The following RWDD1 variants were observed in gnomAD, a reference collection of about 807,000 sequenced individuals.
RWDD1 encodes RWD domain-containing protein 1.
Under a neutral mutation model 31.6 loss-of-function variants are expected in RWDD1, and 17 were observed. That is an observed-to-expected ratio of 0.54 (90% CI 0.37 to 0.81). The LOEUF (loss-of-function observed/expected upper bound fraction) is 0.81. Ranked by LOEUF, RWDD1 falls within the 30% of genes least tolerant of loss-of-function variation. RWDD1 has a pLI of 0.00. For missense variants in RWDD1, 204 were observed against 274.5 expected (o/e 0.74, Z 1.82); for synonymous variants, 78 against 94.2 (o/e 0.83, Z 0.99).
At chr6:116,585,624 C>T (rs1308690508) in intron 3 of RWDD1, among the ~76,000 whole-genome samples, 1 of 152,060 alleles carries the variant, frequency 6.6e-6, no homozygotes, top group Admixed American at 6.5e-5. Flanking sequence ...ATGTGACTTA[C>T]ATATTCTAAA....
intron 3 of RWDD1, among the ~76,000 whole-genome samples, chr6:116,588,007 C>G (rs371673381): frequency 6.6e-6 from 1 of 151,984 alleles, no homozygotes; most frequent in Admixed American, 6.6e-5. Flanking sequence ...TGTGGGACAT[C>G]AAGTCACTGC....
chr6:116,581,793 T>G (rs914858870), intron 2 of RWDD1, among the ~76,000 whole-genome samples: 2 of 152,082 alleles, frequency 1.3e-5, no homozygotes, highest in East Asian at 3.8e-4. Flanking sequence ...AGCAGGAGAC[T>G]TTGAAAATGT....
chr6:116,584,337 C>T (rs1229580565), intron 2 of RWDD1, among the ~76,000 whole-genome samples: 2 of 152,204 alleles, frequency 1.3e-5, no homozygotes, highest in African/African-American at 4.8e-5. Context: ...GCCAGATCTT[C>T]TGCAGGTAGG....
intron 3 of RWDD1, among the ~76,000 whole-genome samples, chr6:116,588,582 C>T (rs1271880767): frequency 1.3e-5 from 2 of 151,996 alleles, no homozygotes; most frequent in African/African-American, 4.8e-5. Flanking sequence ...TTACTAGTTA[C>T]TATAGGAAAC....
At chr6:116,578,837 A>G (rs1378348093) in intron 1 of RWDD1, among the ~76,000 whole-genome samples, 2 of 152,004 alleles carry the variant, frequency 1.3e-5, no homozygotes, top group Non-Finnish European at 2.9e-5. Flanking sequence ...CTTAAATTCA[A>G]TTAAAATGAA....
At chr6:116,586,931 AATG>A (rs1032434019) in intron 3 of RWDD1, among the ~76,000 whole-genome samples, 1 of 152,210 alleles carries the variant, frequency 6.6e-6, no homozygotes, top group Non-Finnish European at 1.5e-5. Context: ...TTGGACATAA[AATG>A]ATGACAAGGT....
Position 116,571,518 on chromosome 6 carries a change from G to A in RWDD1, c.-65G>A. ...CGCCGCCCGCTCTCCCGGCGCGGCA[G>A]CTGTCTGGGCTGCTGCGCGCCGCCT... On this transcript the variant is annotated 5_prime_UTR_variant, in exon 1 of 7. Coordinates refer to ENST00000466444, the MANE Select transcript of RWDD1 (RefSeq NM_015952.4). The A allele has an allele frequency of 2.0e-6, 3 of 1,515,454 alleles. No individual in the cohort carries two copies. Among genetic ancestry groups the A allele is most frequent in the Non-Finnish European group, 1.8e-6 (2 of 1,125,386 alleles). The allele number at this position is 1,515,454 out of a possible 1,614,324, so 93.9% of individuals were successfully genotyped here.
At chr6:116,589,105 T>C (rs1775094309) in intron 4 of RWDD1, 120 bp downstream of exon 4, 2 of 844,038 alleles carry the variant, frequency 2.4e-6, no homozygotes, top group South Asian at 8.9e-5. Context: ...TAAATAAAAG[T>C]AAATTTTAGT....
At chr6:116,572,284 G>T (rs1774752233) in intron 1 of RWDD1, 1 of 152,258 alleles carries the variant, frequency 6.6e-6, no homozygotes, top group African/African-American at 2.4e-5. Flanking sequence ...ATCTATCCTG[G>T]GGCTCCTGCT....
rs1336149822 is a variant in RWDD1 at position 116,593,237 on chromosome 6, TG to T, written c.*137del. On this transcript the variant is annotated 3_prime_UTR_variant, in exon 7 of 7. Coordinates refer to ENST00000466444, the MANE Select transcript of RWDD1 (RefSeq NM_015952.4). Reference sequence around the variant, plus strand: ...ATATTCTTCTGATAGCTTTCATCATTGAACTTAATAAACTGACCTTAAAATT... The same window carrying T: ...ATATTCTTCTGATAGCTTTCATCATTAACTTAATAAACTGACCTTAAAATT... 1 of 853,018 alleles carries T rather than the reference TG, an allele frequency of 1.2e-6. No homozygotes were observed. The allele number at this position is 853,018 out of a possible 1,614,324, so 52.8% of individuals were successfully genotyped here. A position where few individuals can be genotyped will look rare whatever the true frequency, so the allele number is the denominator to read the frequency against.
chr6:116,583,618 A>G (rs538799961), intron 2 of RWDD1, among the ~76,000 whole-genome samples: 7 of 152,318 alleles, frequency 4.6e-5, no homozygotes, highest in South Asian at 4.1e-4. Flanking sequence ...ATATATATGT[A>G]TATCAAAACA....
chr6:116,574,716 T>C (rs1240133767), intron 1 of RWDD1, among the ~76,000 whole-genome samples: 1 of 151,486 alleles, frequency 6.6e-6, no homozygotes, highest in Non-Finnish European at 1.5e-5. Flanking sequence ...TTTCTTTTTT[T>C]CTTTCTCTCT....
At chr6:116,572,091 G>T (rs918862582) in intron 1 of RWDD1, among the ~76,000 whole-genome samples, 1 of 151,988 alleles carries the variant, frequency 6.6e-6, no homozygotes, top group Admixed American at 6.5e-5. Context: ...GATTCAGAGT[G>T]CTGTTTTCAG....
intron 1 of RWDD1, among the ~76,000 whole-genome samples, chr6:116,577,653 G>T (rs1048757376): frequency 5.3e-5 from 8 of 151,868 alleles, no homozygotes; most frequent in African/African-American, 1.9e-4. Flanking sequence ...ACCATTTCCT[G>T]CTATTCCCAT....
At chr6:116,590,813 G>T in intron 5 of RWDD1, 75 bp from the exon 6 acceptor site, 1 of 1,487,434 alleles carries the variant, frequency 6.7e-7, no homozygotes, top group East Asian at 2.6e-5. Context: ...TTTCAAATTT[G>T]CTTTCTAAGT....
chr6:116,597,268 C>A lies in RWDD1; in HGVS notation c.*4167C>A, dbSNP rs1775253391. The A allele has an allele frequency of 6.6e-6, 1 of 152,082 alleles. No individual in the cohort carries two copies. Among genetic ancestry groups the A allele is most frequent in the Non-Finnish European group, 1.5e-5 (1 of 68,014 alleles). 9.4% of individuals were successfully genotyped at this position (152,082 alleles called of 1,614,324 possible). ...AGAGGTTCTACTCAGTCCACCAAAG[C>A]TTTTTAATTTCCTTACATAATTAAC... is the stretch of plus-strand genomic sequence containing the variant. On this transcript the variant is annotated 3_prime_UTR_variant, in exon 7 of 7. Transcript: ENST00000466444.
intron 6 of RWDD1, 143 bp downstream of exon 6, chr6:116,591,093 T>A (rs1320761294): frequency 1.1e-5 from 11 of 1,018,718 alleles, no homozygotes; most frequent in African/African-American, 1.7e-5. Flanking sequence ...AGACCCTGAC[T>A]CTATTAAAAA....
intron 3 of RWDD1, among the ~76,000 whole-genome samples, chr6:116,585,464 T>A (rs1036985314): frequency 2.6e-5 from 4 of 152,302 alleles, no homozygotes; most frequent in South Asian, 2.1e-4. Context: ...TAAAATATAC[T>A]CATGCTTGGG....
chr6:116,573,670 T>C (rs1350802871), intron 1 of RWDD1, among the ~76,000 whole-genome samples: 1 of 152,144 alleles, frequency 6.6e-6, no homozygotes, highest in Non-Finnish European at 1.5e-5. Flanking sequence ...GATTCCATAC[T>C]TTTGTATTCT....
Sources: gnomAD v4.1 joint callset for allele counts (sites outside exome capture counted in the v4.1 genomes callset) on GRCh38, gnomAD v4.1.1 for gene constraint, MANE v1.5 for transcripts, NCBI Gene and HGNC (gene_info 2026-07-23, HGNC 2026-07-21) for gene names.